The following CAMTA1 variants were observed in gnomAD, a reference collection of about 807,000 sequenced individuals.
CAMTA1 encodes the protein calmodulin-binding transcription activator 1.
In CAMTA1, 27 loss-of-function variants were observed where a neutral mutation model predicts 170.9. The ratio of observed to expected loss-of-function variants is 0.16; its 90% CI spans 0.12 to 0.22. CAMTA1 has a LOEUF of 0.22. Ranked by LOEUF, CAMTA1 falls within the 10% of genes least tolerant of loss-of-function variation. The probability of loss-of-function intolerance (pLI) is 1.00; values close to 1 mark genes in which losing one functional copy is unlikely to be tolerated. For synonymous variants in CAMTA1, 833 were observed against 891.5 expected (o/e 0.93, Z 1.17); for missense variants, 1,619 against 2,217.2 (o/e 0.73, Z 5.42).
At chr1:6,939,925 C>CAGAT (rs1203367773) in intron 3 of CAMTA1, among the ~76,000 whole-genome samples, 1 of 152,272 alleles carries the variant, frequency 6.6e-6, no homozygotes, top group African/African-American at 2.4e-5. Flanking sequence ...CAGGCATGAG[C>CAGAT]AGATGCTCGC....
In CAMTA1 at chr1:7,493,427, ATG is replaced by A. The variant is rs1287583887; in HGVS notation, c.510+25527_510+25528del. 1.5e-4 allele frequency among the ~76,000 whole-genome samples: 14 copies of A among 95,338 alleles called. No homozygotes were observed. The East Asian group carries it at 1.6e-3, about 11-fold the overall frequency. The allele number at this position is 95,338 out of a possible 152,430, so 62.5% of individuals were successfully genotyped here. On this transcript the variant is annotated intron_variant, in intron 6 of 22. Transcript: ENST00000303635. ...CAAAAACACAAACCTACATACACACATGCACACACAAACATACAAACACACGT... is the reference window on the plus strand; with the variant it reads ...CAAAAACACAAACCTACATACACACACACACACAAACATACAAACACACGT...
At chr1:7,138,627 C>T (rs1645685329) in intron 4 of CAMTA1, among the ~76,000 whole-genome samples, 1 of 152,210 alleles carries the variant, frequency 6.6e-6, no homozygotes. Flanking sequence ...AGATAAAACA[C>T]ATACATGCCA....
intron 5 of CAMTA1, among the ~76,000 whole-genome samples, chr1:7,432,691 C>T (rs1479234337): frequency 6.6e-6 from 1 of 152,204 alleles, no homozygotes; most frequent in Non-Finnish European, 1.5e-5. Flanking sequence ...TCTGGCTGCT[C>T]CCCACACAGC....
chr1:6,820,912 G>C (rs1222750377), intron 2 of CAMTA1, among the ~76,000 whole-genome samples: 6 of 152,212 alleles, frequency 3.9e-5, no homozygotes, highest in Admixed American at 3.9e-4. Flanking sequence ...TTACAGGGCT[G>C]CTGTGCCCTC....
At chr1:7,556,967 T>C (rs968425337) in intron 6 of CAMTA1, among the ~76,000 whole-genome samples, 2 of 152,168 alleles carry the variant, frequency 1.3e-5, no homozygotes, top group African/African-American at 4.8e-5. Flanking sequence ...TGTTCTTGTT[T>C]ATCCCCATTC....
At chr1:7,089,521 G>T (rs946175873) in intron 3 of CAMTA1, among the ~76,000 whole-genome samples, 1 of 150,504 alleles carries the variant, frequency 6.6e-6, no homozygotes, top group African/African-American at 2.4e-5. Flanking sequence ...TGCCATGCAC[G>T]TTTTTCCTAG....
rs754751236 is a variant in CAMTA1 at position 7,216,491 on chromosome 1, C to G, written c.303-33000C>G. Among the ~76,000 whole-genome samples the G allele has an allele frequency of 6.6e-6, 1 of 151,950 alleles. No homozygotes were observed. Among genetic ancestry groups the G allele is most frequent in the African/African-American group, 2.4e-5 (1 of 41,368 alleles). ...TTTTCATCTATATTTCCTACAGTTTCTTTCTTTCATTTTCCTTCCTTCCTT... is the reference window on the plus strand; with the variant it reads ...TTTTCATCTATATTTCCTACAGTTTGTTTCTTTCATTTTCCTTCCTTCCTT... On this transcript the variant is annotated intron_variant, in intron 4 of 22. Coordinates refer to ENST00000303635, the MANE Select transcript of CAMTA1 (RefSeq NM_015215.4). This position sits in a 1 kb window ranked among gnomAD's most constrained non-coding sequence, Gnocchi z 4.0.
Position 7,254,258 on chromosome 1 carries a change from C to T in CAMTA1, c.438+4632C>T, listed in dbSNP as rs556774683. On this transcript the variant is annotated intron_variant, in intron 5 of 22. Transcript: ENST00000303635. The stretch of plus-strand genomic sequence containing the variant: ...AGACCAGGTCTTATCCTCCTAGCAA[C>T]GCGGCCCTCTCGGCTCTTAAGGCGT... 5.3e-5 allele frequency among the ~76,000 whole-genome samples: 8 copies of T among 152,324 alleles called. No individual in the cohort carries two copies. The South Asian group carries it at 1.4e-3, about 28-fold the overall frequency.
chr1:7,499,418 G>A (rs1243938841), intron 6 of CAMTA1, among the ~76,000 whole-genome samples: 1 of 113,784 alleles, frequency 8.8e-6, no homozygotes, highest in Non-Finnish European at 1.7e-5. Flanking sequence ...TGTGTAGAGA[G>A]GATTGTGTGA....
At chr1:7,323,507 C>CTTTT (rs56382342) in intron 5 of CAMTA1, among the ~76,000 whole-genome samples, 52 of 108,982 alleles carry the variant, frequency 4.8e-4, no homozygotes, top group South Asian at 6.5e-4. Context: ...CTTTATTCTT[C>CTTTT]TTTTTTTTTT....
At chr1:7,314,325 G>A (rs1677172033) in intron 5 of CAMTA1, among the ~76,000 whole-genome samples, 1 of 152,134 alleles carries the variant, frequency 6.6e-6, no homozygotes, top group African/African-American at 2.4e-5. Flanking sequence ...GTATTATCTG[G>A]GTCAAAGGCC....
chr1:7,417,402 T>C (rs556868729), intron 5 of CAMTA1, among the ~76,000 whole-genome samples: 5 of 152,110 alleles, frequency 3.3e-5, no homozygotes, highest in Admixed American at 2.6e-4. Context: ...AGGCAGGCCC[T>C]CTTGAGCTGT....
chr1:6,819,814 A>G (rs1646279453), intron 1 of CAMTA1, among the ~76,000 whole-genome samples: 1 of 152,234 alleles, frequency 6.6e-6, no homozygotes, highest in Admixed American at 6.5e-5. Context: ...CCACAAGAAC[A>G]GTAATCACAA....
intron 6 of CAMTA1, among the ~76,000 whole-genome samples, chr1:7,576,841 G>A (rs911747568): frequency 4.6e-5 from 7 of 152,164 alleles, no homozygotes; most frequent in Non-Finnish European, 8.8e-5. Flanking sequence ...CCTGGCAGGG[G>A]TGTGCAGGAT....
At chr1:7,103,745 C>G (rs1447512729) in intron 4 of CAMTA1, among the ~76,000 whole-genome samples, 1 of 151,608 alleles carries the variant, frequency 6.6e-6, no homozygotes, top group Non-Finnish European at 1.5e-5. Flanking sequence ...CATGTACACA[C>G]AATACATTAC....
At chr1:7,499,618 ATGAG>A (rs141443382) in intron 6 of CAMTA1, among the ~76,000 whole-genome samples, 7,573 of 121,170 alleles carry the variant, frequency 0.062, 1,002 homozygotes, top group East Asian at 0.26. Context: ...GTGTGTGTGC[ATGAG>A]TGAGTGTGAG....
At position 7,663,440 on chromosome 1, in the gene CAMTA1, G is replaced by T. The variant is rs1057524631; in HGVS notation, c.893G>T (p.Gly298Val). ...GTGGAGCCACGGACAGGGGGGTACG[G>T]GAGCCACTCGGAGGTGCAGCACAAT... is the stretch of plus-strand genomic sequence containing the variant. Reference protein sequence around the residue: ...PKVEPRTGGYGSHSEVQHNDV... With the variant: ...PKVEPRTGGYVSHSEVQHNDV... Residue 298 changes from glycine to valine, a missense_variant, in exon 9 of 23, where the codon GGG becomes GTG. Coordinates refer to ENST00000303635, the MANE Select transcript of CAMTA1 (RefSeq NM_015215.4). 5 of 1,578,918 alleles carry T rather than the reference G, an allele frequency of 3.2e-6. No individual in the cohort carries two copies. Among genetic ancestry groups the T allele is most frequent in the Non-Finnish European group, 4.3e-6 (5 of 1,156,896 alleles).
chr1:6,915,731 C>T (rs541930940), intron 3 of CAMTA1, among the ~76,000 whole-genome samples: 18 of 152,254 alleles, frequency 1.2e-4, no homozygotes, highest in East Asian at 7.7e-4. Flanking sequence ...TGGCCACTGG[C>T]GTGGTGAGGA....
intron 6 of CAMTA1, among the ~76,000 whole-genome samples, chr1:7,503,181 A>G (rs2094037931): frequency 6.6e-6 from 1 of 152,122 alleles, no homozygotes; most frequent in African/African-American, 2.4e-5. Context: ...GCTTTTACCA[A>G]CAGGGCCAGA....
Sources: gnomAD v4.1 joint callset for allele counts (sites outside exome capture counted in the v4.1 genomes callset) on GRCh38, gnomAD v4.1.1 for gene constraint, Gnocchi (gnomAD v3.1) non-coding constraint, MANE v1.5 for transcripts, NCBI Gene and HGNC (gene_info 2026-07-23, HGNC 2026-07-21) for gene names.